Variants in STARD9 observed in about 807,000 individuals in gnomAD.
STARD9 encodes the protein StAR related lipid transfer domain containing 9, also known as stAR-related lipid transfer protein 9.
A neutral mutation model predicts 399.8 loss-of-function variants in STARD9; 346 were observed. The observed-to-expected ratio is 0.87, with a 90% CI of 0.79 to 0.95. The LOEUF is 0.95. STARD9 is among the 40% of genes least tolerant of loss of function. The probability of loss-of-function intolerance (pLI) is 0.00; values close to 1 mark genes in which losing one functional copy is unlikely to be tolerated. For missense variants in STARD9, 5,832 were observed against 5,667.5 expected (o/e 1.03, Z -0.93); for synonymous variants, 2,203 against 2,143.5 (o/e 1.03, Z -0.77).
At chr15:42,598,760 C>A (rs1240231794) in intron 3 of STARD9, among the ~76,000 whole-genome samples, 1 of 152,206 alleles carries the variant, frequency 6.6e-6, no homozygotes, top group African/African-American at 2.4e-5. Context: ...AATAAATTAT[C>A]ATTAGTTGTA....
chr15:42,624,906 G>A lies in STARD9; in HGVS notation c.235-9950G>A, dbSNP rs907052589. ...ATGTTATCTGTTACTGCATTTAGTA[G>A]CAATTTTTCTAAAAAGGAATAAAGT... is the stretch of plus-strand genomic sequence containing the variant. On this transcript the variant is annotated intron_variant, in intron 3 of 32. Transcript: ENST00000290607. Among the ~76,000 whole-genome samples the A allele has an allele frequency of 4.6e-5, 7 of 152,180 alleles. No individual in the cohort carries two copies. In the East Asian group the frequency reaches 1.3e-3, roughly 29 times the overall value.
chr15:42,653,008 A>G (rs1004909224), intron 9 of STARD9, among the ~76,000 whole-genome samples: 4 of 151,998 alleles, frequency 2.6e-5, no homozygotes, highest in African/African-American at 9.7e-5. Flanking sequence ...CTACTCTCAT[A>G]TTTATAGGTC....
intron 3 of STARD9, among the ~76,000 whole-genome samples, chr15:42,622,337 C>G (rs910008431): frequency 2.6e-5 from 4 of 152,052 alleles, no homozygotes. Flanking sequence ...ACCTGTAGCT[C>G]GCTCTCTCTC....
chr15:42,594,731 C>T (rs921143427), intron 3 of STARD9, among the ~76,000 whole-genome samples: 3 of 152,164 alleles, frequency 2.0e-5, no homozygotes, highest in Admixed American at 6.5e-5. Context: ...GGGCCATGGA[C>T]TGCAACACAA....
intron 26 of STARD9, among the ~76,000 whole-genome samples, chr15:42,705,388 C>G (rs73410923): frequency 3.9e-5 from 6 of 152,004 alleles, no homozygotes; most frequent in Non-Finnish European, 8.8e-5. Flanking sequence ...CTATCACTGA[C>G]GGGTCCTATT....
At position 42,693,515 on chromosome 15, in the gene STARD9, G is replaced by C; in HGVS notation, c.11937G>C (p.Leu3979Phe). ...GTAATGGGAGATCCTTCCTTGAGTT[G>C]CACTCCCCACACAGCCCACAGCAGA... ...QRSNGRSFLELHSPHSPQQSP... is the reference protein window; with the variant it reads ...QRSNGRSFLEFHSPHSPQQSP... The change falls in exon 23 of 33, where the codon TTG (leucine) becomes TTC (phenylalanine). Residue 3979 changes from leucine to phenylalanine, a missense_variant. By Grantham distance (22) the Leu-to-Phe change is conservative. Transcript: ENST00000290607. 6.5e-7 allele frequency: 1 copy of C among 1,537,228 alleles called. No homozygotes were observed. The highest frequency in any genetic ancestry group is 8.7e-7 in the Non-Finnish European group (1 of 1,146,906).
In STARD9 at chr15:42,689,789, A is replaced by G; in HGVS notation, c.8211A>G (p.Ser2737=). The G allele has an allele frequency of 2.0e-6, 3 of 1,537,468 alleles. No homozygotes were observed. Among genetic ancestry groups the G allele is most frequent in the Non-Finnish European group, 1.7e-6 (2 of 1,146,962 alleles). ...TGGAGGAGGTCAGGAGGGTAGTATCAAAGAAGGTAGTGGCTGCCTTACCTT... is the reference window on the plus strand; with the variant it reads ...TGGAGGAGGTCAGGAGGGTAGTATCGAAGAAGGTAGTGGCTGCCTTACCTT... The part of the protein sequence containing the change: ...APVEEVRRVV[S]KKVVAALPSQ... The change falls in exon 23 of 33, where the codon TCA becomes TCG. Residue 2737 remains serine, a synonymous_variant. Coordinates refer to ENST00000290607, the MANE Select transcript of STARD9 (RefSeq NM_020759.3).
At chr15:42,638,164 C>T (rs1209922957) in intron 6 of STARD9, 77 bp downstream of exon 6, 4 of 1,326,598 alleles carry the variant, frequency 3.0e-6, no homozygotes, top group Admixed American at 4.0e-5. Context: ...GCTGTCCTCT[C>T]TTTGCTTCCA....
At chr15:42,648,882 C>A (rs936616936) in intron 7 of STARD9, among the ~76,000 whole-genome samples, 3 of 151,698 alleles carry the variant, frequency 2.0e-5, no homozygotes, top group African/African-American at 7.3e-5. Context: ...GTGAGTCTTA[C>A]CATTTCTTCT....
Position 42,692,246 on chromosome 15 carries a change from A to G in STARD9, c.10668A>G (p.Glu3556=), listed in dbSNP as rs1010100136. 5 of 1,536,940 alleles carry G rather than the reference A, an allele frequency of 3.3e-6. No homozygotes were observed. The African/African-American group carries it at 4.1e-5, about 13-fold the overall frequency. ...CCCAGGGTTCAAATGAGGCCTGGGA[A>G]GTATTCCGAGGGAGTTCTTCAATTG... The part of the protein sequence containing the change: ...ENAQGSNEAW[E]VFRGSSSIAL... Residue 3556 remains glutamate, a synonymous_variant, in exon 23 of 33, where the codon GAA becomes GAG. Transcript: ENST00000290607.
Position 42,691,112 on chromosome 15 carries a change from C to A in STARD9, c.9534C>A (p.Ser3178=). The change falls in exon 23 of 33, where the codon TCC becomes TCA. Residue 3178 remains serine, a synonymous_variant. Transcript: ENST00000290607. ...TRCFLEKPQF[S]TELRDHNRLD... is the part of the protein sequence containing the mutation. ...GTTTTTTGGAAAAGCCACAATTTTC[C>A]ACTGAGTTGAGGGATCACAATCGCT... 2 of 1,537,202 alleles carry A rather than the reference C, an allele frequency of 1.3e-6. No individual in the cohort carries two copies. The highest frequency in any genetic ancestry group is 8.7e-7 in the Non-Finnish European group (1 of 1,146,894).
At chr15:42,591,577 T>C (rs563472814) in intron 3 of STARD9, among the ~76,000 whole-genome samples, 1 of 152,260 alleles carries the variant, frequency 6.6e-6, no homozygotes, top group South Asian at 2.1e-4. Context: ...TATGGCATTA[T>C]ACAGGTGGTT....
At position 42,693,245 on chromosome 15, in the gene STARD9, A is replaced by G; in HGVS notation, c.11667A>G (p.Thr3889=). Residue 3889 remains threonine (T), a synonymous_variant, in exon 23 of 33, where the codon ACA becomes ACG. Transcript: ENST00000290607. Reference sequence around the variant, plus strand: ...GGGTCCAGAAGAAGCTGGGCCCCACAAGTGCTTTGTTCGTGGACAGGGCCT... The same window carrying G: ...GGGTCCAGAAGAAGCTGGGCCCCACGAGTGCTTTGTTCGTGGACAGGGCCT... ...DSRVQKKLGP[T]SALFVDRASS... The G allele has an allele frequency of 1.3e-6, 2 of 1,536,942 alleles. No homozygotes were observed. The highest frequency in any genetic ancestry group is 1.7e-6 in the Non-Finnish European group (2 of 1,146,836).
chr15:42,620,402 G>C (rs920467357), intron 3 of STARD9, among the ~76,000 whole-genome samples: 4 of 151,818 alleles, frequency 2.6e-5, no homozygotes, highest in African/African-American at 4.8e-5. Context: ...GGTTGTTTGA[G>C]CCTGGGAGGT....
Position 42,686,814 on chromosome 15 carries a change from A to G in STARD9, c.5236A>G (p.Thr1746Ala). The G allele has an allele frequency of 1.3e-6, 2 of 1,537,164 alleles. No individual in the cohort carries two copies. Among genetic ancestry groups the G allele is most frequent in the Non-Finnish European group, 1.7e-6 (2 of 1,146,912 alleles). ...SSSLQPPLLE[T>A]FYVTKSRDAL... Reference sequence around the variant, plus strand: ...TTCCCTGCAGCCCCCACTCTTGGAAACATTCTATGTGACCAAAAGCAGGGA... The same window carrying G: ...TTCCCTGCAGCCCCCACTCTTGGAAGCATTCTATGTGACCAAAAGCAGGGA... The change falls in exon 23 of 33, where the codon ACA (threonine) becomes GCA (alanine). Residue 1746 changes from threonine to alanine, a missense_variant. Thr to Ala is a moderately conservative substitution (Grantham distance 58). Around this residue, in one of 2 missense-constraint regions of STARD9, gnomAD observed 5,828 missense variants for 5,651.1 expected, o/e 1.03. Transcript: ENST00000290607.
At chr15:42,629,110 C>T (rs747466097) in intron 3 of STARD9, among the ~76,000 whole-genome samples, 1 of 152,062 alleles carries the variant, frequency 6.6e-6, no homozygotes, top group African/African-American at 2.4e-5. Context: ...GCCATGACCT[C>T]CTGGGTGCAA....
At position 42,639,838 on chromosome 15, in the gene STARD9, T is replaced by C. The variant is rs184366727; in HGVS notation, c.559+1026T>C. ...GAGATTGCGCAACTGCACTCCAGCC[T>C]GTGCGACAGAGCAAGACGCCATCTC... On this transcript the variant is annotated intron_variant, in intron 7 of 32. Coordinates refer to ENST00000290607, the MANE Select transcript of STARD9 (RefSeq NM_020759.3). Among the ~76,000 whole-genome samples, 839 of 151,712 alleles carry C rather than the reference T, an allele frequency of 5.5e-3. 8 individuals are homozygous for C. The highest frequency in any genetic ancestry group is 0.019 in the African/African-American group (794 of 41,336).
At chr15:42,618,493 T>C (rs1184134950) in intron 3 of STARD9, among the ~76,000 whole-genome samples, 1 of 152,250 alleles carries the variant, frequency 6.6e-6, no homozygotes, top group East Asian at 1.9e-4. Context: ...AATCATCCAT[T>C]TCATCTAGGT....
chr15:42,583,254 GGGAAA>G, intron 1 of STARD9, 87 bp from the exon 2 acceptor site: 1 of 891,268 alleles, frequency 1.1e-6, no homozygotes, highest in East Asian at 2.7e-5. Context: ...TACAGCAGTA[GGGAAA>G]TATTTTGTCC....
Sources: gnomAD v4.1 joint callset for allele counts (sites outside exome capture counted in the v4.1 genomes callset) on GRCh38, gnomAD v4.1.1 for gene constraint, gnomAD v4.1.1 regional missense constraint, MANE v1.5 for transcripts, NCBI Gene and HGNC (gene_info 2026-07-23, HGNC 2026-07-21) for gene names.